Variants in EPB41L4A observed in about 807,000 individuals in gnomAD.
The protein encoded by EPB41L4A is erythrocyte membrane protein band 4.1 like 4A, also known as band 4.1-like protein 4A.
A neutral mutation model predicts 108.6 loss-of-function variants in EPB41L4A; 100 were observed. The ratio of observed to expected loss-of-function variants is 0.92; its 90% confidence interval spans 0.78 to 1.09. EPB41L4A has a LOEUF of 1.09. EPB41L4A is among the 50% of genes least tolerant of loss of function. The pLI is 0.00. For missense variants in EPB41L4A, 1,030 were observed against 842.7 expected, an observed-to-expected ratio of 1.22 and a Z score of -2.75; for synonymous variants, 319 against 289.0, an observed-to-expected ratio of 1.10 and a Z score of -1.05.
chr5:112,355,108 C>T (rs867673069), intron 1 of EPB41L4A, among the ~76,000 whole-genome samples: 1 of 152,102 alleles, frequency 6.6e-6, no homozygotes, highest in African/African-American at 2.4e-5. Flanking sequence ...CACATAAAGA[C>T]ATGAACACAG....
At chr5:112,317,296 T>C (rs1010458892) in intron 1 of EPB41L4A, among the ~76,000 whole-genome samples, 8 of 152,240 alleles carry the variant, frequency 5.3e-5, no homozygotes, top group African/African-American at 1.9e-4. Context: ...AAAAGAACTA[T>C]GCTAGATGAT....
intron 9 of EPB41L4A, among the ~76,000 whole-genome samples, chr5:112,246,935 A>G (rs1157757808): frequency 6.6e-6 from 1 of 152,144 alleles, no homozygotes; most frequent in Non-Finnish European, 1.5e-5. Flanking sequence ...AAAGGCATAG[A>G]CCTGTCTCCC....
At chr5:112,147,080 CTA>C in intron 12 of EPB41L4A, among the ~76,000 whole-genome samples, 1 of 152,268 alleles carries the variant, frequency 6.6e-6, no homozygotes, top group Admixed American at 6.5e-5. Flanking sequence ...ATGTGCTGCT[CTA>C]AATTAGTGTG....
exon 14 of EPB41L4A, chr5:112,143,613 C>A: frequency 5.2e-6 from 1 of 193,136 alleles, no homozygotes; most frequent in Non-Finnish European, 1.1e-5. Flanking sequence ...TTGTGTTGGC[C>A]TCATTCTTAC....
chr5:112,403,233 A>G (rs763073779), intron 1 of EPB41L4A, among the ~76,000 whole-genome samples: 13 of 151,790 alleles, frequency 8.6e-5, no homozygotes, highest in Non-Finnish European at 1.8e-4. Context: ...TGCTTTCCCA[A>G]TGCATGTAAT....
At chr5:112,283,027 A>G (rs749189730) in intron 2 of EPB41L4A, among the ~76,000 whole-genome samples, 4 of 152,246 alleles carry the variant, frequency 2.6e-5, no homozygotes, top group Non-Finnish European at 5.9e-5. Context: ...TGGTTAATCT[A>G]TCAAAAATTT....
intron 18 of EPB41L4A, among the ~76,000 whole-genome samples, chr5:112,181,537 T>C (rs1348262635): frequency 6.6e-6 from 1 of 151,948 alleles, no homozygotes; most frequent in African/African-American, 2.4e-5. Context: ...GAAAACAAAT[T>C]CCACACACAT....
In EPB41L4A at chr5:112,339,520, A is replaced by ATCTATATC. The variant is rs1313111688; in HGVS notation, c.100-32031_100-32030insGATATAGA. The stretch of plus-strand genomic sequence containing the variant: ...TCTATATATATATATAGATATATAG[A>ATCTATATC]TATATATCTATATATATATATATTT... On this transcript the variant is annotated intron_variant, in intron 1 of 22. Transcript: ENST00000261486. Among the ~76,000 whole-genome samples the ATCTATATC allele has an allele frequency of 1.9e-4, 10 of 52,532 alleles. 1 individual carries two copies. Among genetic ancestry groups the ATCTATATC allele is most frequent in the African/African-American group, 7.2e-4 (10 of 13,852 alleles). The allele number at this position is 52,532 out of a possible 152,430, so 34.5% of individuals were successfully genotyped here. A position where few individuals can be genotyped will look rare whatever the true frequency, so the allele number is the denominator to read the frequency against.
chr5:112,396,819 G>A (rs1052007894), intron 1 of EPB41L4A, among the ~76,000 whole-genome samples: 1 of 152,128 alleles, frequency 6.6e-6, no homozygotes, highest in East Asian at 1.9e-4. Flanking sequence ...TATACTCAAG[G>A]GCAGGTGAAT....
chr5:112,367,868 T>C (rs1759235101), intron 1 of EPB41L4A, among the ~76,000 whole-genome samples: 1 of 151,852 alleles, frequency 6.6e-6, no homozygotes, highest in East Asian at 1.9e-4. Context: ...CAAACTGAAT[T>C]GCCTGCTCCA....
rs372637311 is a variant in EPB41L4A, at chr5:112,169,561, T to G, written c.1740-456A>C. Among the ~76,000 whole-genome samples, 115 of 152,158 alleles carry G rather than the reference T, an allele frequency of 7.6e-4. No homozygotes were observed. The South Asian group carries it at 0.023, about 31-fold the overall frequency. Reference sequence around the variant, plus strand: ...AAGTGTTCTCTCCATAAAAAAAAAGTATGTGAGGTGATAGATACATTAGCT... The same window carrying G: ...AAGTGTTCTCTCCATAAAAAAAAAGGATGTGAGGTGATAGATACATTAGCT... On this transcript the variant is annotated intron_variant, in intron 20 of 22. Coordinates refer to ENST00000261486, the MANE Select transcript of EPB41L4A (RefSeq NM_022140.5).
chr5:112,273,769 C>T (rs150601554), intron 4 of EPB41L4A, among the ~76,000 whole-genome samples: 33 of 152,288 alleles, frequency 2.2e-4, no homozygotes, highest in African/African-American at 6.3e-4. Flanking sequence ...AATTCCCTAA[C>T]GAGTTACAGA....
At chr5:112,185,506 CTAGAT>C (rs1486967630) in intron 17 of EPB41L4A, among the ~76,000 whole-genome samples, 8 of 152,106 alleles carry the variant, frequency 5.3e-5, no homozygotes, top group Non-Finnish European at 1.2e-4. Context: ...TTAAATCTCT[CTAGAT>C]TAAAGAAGAA....
chr5:112,365,036 G>A (rs1411697745), intron 1 of EPB41L4A, among the ~76,000 whole-genome samples: 1 of 152,170 alleles, frequency 6.6e-6, no homozygotes, highest in Admixed American at 6.5e-5. Flanking sequence ...AACCTTGCCT[G>A]TCTTGTTTGA....
At chr5:112,388,714 C>A (rs1760731277) in intron 1 of EPB41L4A, among the ~76,000 whole-genome samples, 2 of 152,198 alleles carry the variant, frequency 1.3e-5, no homozygotes, top group African/African-American at 4.8e-5. Context: ...TCCACCTGCT[C>A]AACTATTACA....
At position 112,332,524 on chromosome 5, in the gene EPB41L4A, C is replaced by G. The variant is rs148676732; in HGVS notation, c.100-25034G>C. Reference sequence around the variant, plus strand: ...TGAAGAGAGATGCATGGCACCAATGCTCCTGAATGACACCCCAGACTCTCT... The same window carrying G: ...TGAAGAGAGATGCATGGCACCAATGGTCCTGAATGACACCCCAGACTCTCT... On this transcript the variant is annotated intron_variant, in intron 1 of 22. Transcript: ENST00000261486. Among the ~76,000 whole-genome samples, 94 of 152,290 alleles carry G rather than the reference C, an allele frequency of 6.2e-4. 1 individual carries two copies. In the East Asian group the frequency reaches 0.016, roughly 26 times the overall value.
intron 12 of EPB41L4A, among the ~76,000 whole-genome samples, chr5:112,221,850 A>G (rs1445781253): frequency 5.3e-5 from 8 of 152,232 alleles, no homozygotes; most frequent in Non-Finnish European, 1.0e-4. Flanking sequence ...TTGGAATGCT[A>G]AACACTCCCA....
In EPB41L4A at chr5:112,246,319, G is replaced by T. The variant is rs1019561259; in HGVS notation, c.796-5509C>A. ...AACTGTGCCTTTTCTGTGTTTAGATGTGTTTGGATACATAAATACTTACCA... is the reference window on the plus strand; with the variant it reads ...AACTGTGCCTTTTCTGTGTTTAGATTTGTTTGGATACATAAATACTTACCA... On this transcript the variant is annotated intron_variant, in intron 9 of 22. Coordinates refer to ENST00000261486, the MANE Select transcript of EPB41L4A (RefSeq NM_022140.5). Among the ~76,000 whole-genome samples the T allele has an allele frequency of 2.6e-5, 4 of 152,154 alleles. No individual in the cohort carries two copies. In the East Asian group the frequency reaches 7.7e-4, roughly 29 times the overall value.
At chr5:112,418,738 A>G (rs1762871805) in intron 1 of EPB41L4A, among the ~76,000 whole-genome samples, 1 of 152,028 alleles carries the variant, frequency 6.6e-6, no homozygotes, top group Non-Finnish European at 1.5e-5. Flanking sequence ...CGTCAAACTC[A>G]ACTTTGCTTT....
Sources: gnomAD v4.1 joint callset for allele counts (sites outside exome capture counted in the v4.1 genomes callset) on GRCh38, gnomAD v4.1.1 for gene constraint, MANE v1.5 for transcripts, NCBI Gene and HGNC (gene_info 2026-07-23, HGNC 2026-07-21) for gene names.